WASHC2A: variants seen among roughly 807,000 people sequenced by gnomAD.
The protein encoded by WASHC2A is WASH complex subunit 2A, also known as WASH complex subunit FAM21A.
WASHC2A carries 82 observed loss-of-function variants against 140.3 expected under a neutral mutation model. The observed-to-expected ratio is 0.58, with a 90% CI of 0.49 to 0.70. The LOEUF is 0.70. WASHC2A is among the 30% of genes least tolerant of loss of function. WASHC2A has a pLI of 0.00. For missense variants in WASHC2A, 985 were observed against 1,521.8 expected, an observed-to-expected ratio of 0.65 and a Z score of 5.87; for synonymous variants, 340 against 560.8, an observed-to-expected ratio of 0.61 and a Z score of 5.56.
chr10:50,101,433 C>A (rs1554886742), intron 17 of WASHC2A, among the ~76,000 whole-genome samples: 1 of 152,306 alleles, frequency 6.6e-6, no homozygotes, highest in Non-Finnish European at 1.5e-5. Flanking sequence ...GTTCCTCTTT[C>A]CTATTTCACT....
chr10:50,093,993 G>T (rs1840182491), intron 13 of WASHC2A, 76 bp downstream of exon 13: 2 of 1,605,810 alleles, frequency 1.2e-6, no homozygotes, highest in Non-Finnish European at 1.7e-6. Context: ...GATGGAACAA[G>T]GTTGTTCCCA....
At chr10:50,072,245 C>A (rs1180036572) in intron 3 of WASHC2A, among the ~76,000 whole-genome samples, 1 of 149,794 alleles carries the variant, frequency 6.7e-6, no homozygotes, top group African/African-American at 2.5e-5. Context: ...CCACTGCGCT[C>A]GGCCCTTAGT....
intron 3 of WASHC2A, among the ~76,000 whole-genome samples, chr10:50,075,145 AT>A (rs1162183762): frequency 6.6e-6 from 1 of 151,800 alleles, no homozygotes; most frequent in African/African-American, 2.4e-5. Flanking sequence ...TGTGAATATA[AT>A]TTTTTTGTTC....
At chr10:50,114,566 G>A (rs2132934359) in intron 21 of WASHC2A, among the ~76,000 whole-genome samples, 1 of 138,184 alleles carries the variant, frequency 7.2e-6, no homozygotes, top group South Asian at 2.4e-4. Context: ...TAAACATGGT[G>A]TAATTTAAAC....
At position 50,130,016 on chromosome 10, in the gene WASHC2A, T is replaced by G; in HGVS notation, c.3685T>G (p.Leu1229Val). Residue 1229 changes from leucine (L) to valine (V), a missense_variant, in exon 29 of 31, where the codon TTA becomes GTA. Transcript: ENST00000282633. The stretch of plus-strand genomic sequence containing the variant: ...ATCCAATAGTCAGCAGGATGTCATA[T>G]TAACAACACAAGATATTTTTGAGGT... ...TKSNSQQDVI[L>V]TTQDIFEDDI... The G allele has an allele frequency of 1.2e-6, 2 of 1,611,966 alleles. No homozygotes were observed.
chr10:50,095,608 A>T lies in WASHC2A; in HGVS notation c.1250A>T (p.Asp417Val). Residue 417 changes from aspartate to valine, a missense_variant, in exon 15 of 31, where the codon GAT becomes GTT. Physicochemically the swap from Asp to Val is radical, Grantham distance 152. Transcript: ENST00000282633. Reference sequence around the variant, plus strand: ...GTCTTTCCACCCACAGGAGACACGGATGTGTTTGGTGCTGCCTCCGTTCCA... The same window carrying T: ...GTCTTTCCACCCACAGGAGACACGGTTGTGTTTGGTGCTGCCTCCGTTCCA... ...GAVSVFLGDT[D>V]VFGAASVPSM... The T allele has an allele frequency of 6.2e-7, 1 of 1,611,882 alleles. No individual in the cohort carries two copies. The highest frequency in any genetic ancestry group is 8.5e-7 in the Non-Finnish European group (1 of 1,179,820).
rs1367543725 is a variant in WASHC2A, at chr10:50,121,669, C to T, written c.2478+1900C>T. Among the ~76,000 whole-genome samples the T allele has an allele frequency of 2.9e-4, 43 of 149,190 alleles. 1 individual carries two copies. The highest frequency in any genetic ancestry group is 3.4e-3 in the Middle Eastern group (1 of 292). On this transcript the variant is annotated intron_variant, in intron 23 of 30. Coordinates refer to ENST00000282633, the MANE Select transcript of WASHC2A (RefSeq NM_001005751.3). Reference sequence around the variant, plus strand: ...TTAGCCTCCCGAAGTGCTGGGATTACAGGCATGAGCCACTGCACCCAACCT... The same window carrying T: ...TTAGCCTCCCGAAGTGCTGGGATTATAGGCATGAGCCACTGCACCCAACCT...
At chr10:50,107,459 A>G (rs1239376506) in intron 19 of WASHC2A, among the ~76,000 whole-genome samples, 1 of 151,540 alleles carries the variant, frequency 6.6e-6, no homozygotes, top group Non-Finnish European at 1.5e-5. Flanking sequence ...GATGATATAA[A>G]AAATCCTGAG....
chr10:50,088,897 A>G (rs1333655578), intron 8 of WASHC2A, among the ~76,000 whole-genome samples: 2 of 114,290 alleles, frequency 1.7e-5, no homozygotes, highest in African/African-American at 3.4e-5. Flanking sequence ...CTTTCTTCAT[A>G]GGATATTTGT....
Position 50,106,403 on chromosome 10 carries a change from G to A in WASHC2A, c.1807G>A (p.Ala603Thr), listed in dbSNP as rs1554888587. 1 of 1,611,960 alleles carries A rather than the reference G, an allele frequency of 6.2e-7. No individual in the cohort carries two copies. The highest frequency in any genetic ancestry group is 2.2e-5 in the East Asian group (1 of 44,882). ...TCTACAAGCTCAGAGAGAAGAGAAA[G>A]CAAAAGCCTCCGAGCTCTCCAAAAA... ...LCLQAQREEKAKASELSKKKA... is the reference protein window; with the variant it reads ...LCLQAQREEKTKASELSKKKA... The change falls in exon 19 of 31, where the codon GCA becomes ACA. Residue 603 changes from alanine (A) to threonine (T), a missense_variant. Coordinates refer to ENST00000282633, the MANE Select transcript of WASHC2A (RefSeq NM_001005751.3).
At chr10:50,080,394 G>A (rs1326207414) in intron 4 of WASHC2A, among the ~76,000 whole-genome samples, 1 of 147,558 alleles carries the variant, frequency 6.8e-6, no homozygotes, top group African/African-American at 2.5e-5. Flanking sequence ...GATAACCAGG[G>A]CTCGTGGGAT....
chr10:50,111,642 A>G (rs1842296145), intron 20 of WASHC2A, among the ~76,000 whole-genome samples: 2 of 152,212 alleles, frequency 1.3e-5, no homozygotes, highest in African/African-American at 4.8e-5. Context: ...GAAATAGTAC[A>G]TTCCTTTATT....
rs1480220482 is a variant in WASHC2A, at chr10:50,077,072, G to A, written c.292-1603G>A. Among the ~76,000 whole-genome samples, 5 of 147,930 alleles carry A rather than the reference G, an allele frequency of 3.4e-5. No individual in the cohort carries two copies. In the East Asian group the frequency reaches 6.0e-4, roughly 18 times the overall value. ...GCAGAGCTTGCAGTGAGCCGAGATCGCACCACTGCACTCCAGCCTTGGCAA... is the reference window on the plus strand; with the variant it reads ...GCAGAGCTTGCAGTGAGCCGAGATCACACCACTGCACTCCAGCCTTGGCAA... On this transcript the variant is annotated intron_variant, in intron 3 of 30. Transcript: ENST00000282633.
intron 3 of WASHC2A, among the ~76,000 whole-genome samples, chr10:50,071,462 C>T (rs1439954891): frequency 5.9e-5 from 9 of 151,980 alleles, no homozygotes; most frequent in Non-Finnish European, 7.4e-5. Context: ...CGTGCCACCA[C>T]GCCTGGCTAA....
At position 50,125,152 on chromosome 10, in the gene WASHC2A, T is replaced by C. The variant is rs1843328948; in HGVS notation, c.2518T>C (p.Phe840Leu). ...PDAHPKSTGV[F>L]QDEELLFSHK... The stretch of plus-strand genomic sequence containing the variant: ...TGCCCACCCCAAGAGCACAGGTGTC[T>C]TCCAGGATGAAGAGCTGCTTTTCAG... Residue 840 changes from phenylalanine (F) to leucine (L), a missense_variant, in exon 24 of 31, where the codon TTC (phenylalanine) becomes CTC (leucine). Phe to Leu is a conservative substitution (Grantham distance 22, BLOSUM62 0). Transcript: ENST00000282633. 5.6e-6 allele frequency: 9 copies of C among 1,611,538 alleles called. No individual in the cohort carries two copies. Among genetic ancestry groups the C allele is most frequent in the Non-Finnish European group, 7.6e-6 (9 of 1,179,826 alleles).
At chr10:50,104,366 CTT>C (rs1203711741) in intron 18 of WASHC2A, among the ~76,000 whole-genome samples, 5 of 122,154 alleles carry the variant, frequency 4.1e-5, no homozygotes, top group African/African-American at 8.6e-5. Context: ...TGATGCAGTT[CTT>C]TTTTTTTTTT....
In WASHC2A at chr10:50,129,532, A is replaced by G. The variant is rs2133109478; in HGVS notation, c.3201A>G (p.Ala1067=). The change falls in exon 29 of 31, where the codon GCA becomes GCG. Residue 1067 remains alanine, a synonymous_variant. Transcript: ENST00000282633. ...TGAGCGTCCCCAGAGGACCCATTGC[A>G]CAGTGGGCTGATGGCGCCATTTCCC... ...EDMSVPRGPI[A]QWADGAISPN... The G allele has an allele frequency of 6.2e-7, 1 of 1,612,006 alleles. No individual in the cohort carries two copies. The highest frequency in any genetic ancestry group is 1.1e-5 in the South Asian group (1 of 90,992).
intron 3 of WASHC2A, among the ~76,000 whole-genome samples, chr10:50,077,116 CAAAA>C (rs1337138073): frequency 1.7e-5 from 2 of 120,050 alleles, no homozygotes; most frequent in African/African-American, 3.2e-5. Flanking sequence ...GACTCCATCT[CAAAA>C]AAAAAAAAAA....
At chr10:50,073,443 T>C (rs1195559123) in intron 3 of WASHC2A, among the ~76,000 whole-genome samples, 6 of 150,578 alleles carry the variant, frequency 4.0e-5, no homozygotes, top group African/African-American at 7.3e-5. Flanking sequence ...CATAAATTGG[T>C]TAATTTTCCA....
Sources: allele counts gnomAD v4.1 joint callset (sites outside exome capture counted in the v4.1 genomes callset), GRCh38; gene constraint gnomAD v4.1.1; transcripts MANE v1.5; gene names NCBI Gene and HGNC (gene_info 2026-07-23, HGNC 2026-07-21).